Variants in RGS22 observed in about 807,000 individuals in gnomAD.
The protein encoded by RGS22 is regulator of G protein signaling 22.
In RGS22, 148 loss-of-function variants were observed where a neutral mutation model predicts 172.9. The ratio of observed to expected loss-of-function variants is 0.86; its 90% CI spans 0.75 to 0.98. The LOEUF (loss-of-function observed/expected upper bound fraction) is 0.98. Among genes scored for constraint, RGS22 ranks in the 50% least tolerant of loss-of-function variants. The probability of loss-of-function intolerance (pLI) is 0.00; values close to 1 mark genes in which losing one functional copy is unlikely to be tolerated. For synonymous variants in RGS22, 458 were observed against 480.2 expected, an observed-to-expected ratio of 0.95 and a Z score of 0.60; for missense variants, 1,347 against 1,440.8, an observed-to-expected ratio of 0.93 and a Z score of 1.05.
intron 2 of RGS22, among the ~76,000 whole-genome samples, chr8:100,098,846 TTTA>T (rs1434316497): frequency 2.4e-5 from 1 of 41,914 alleles, no homozygotes; most frequent in Non-Finnish European, 3.8e-5. Context: ...TATTTTTTTA[TTTA>T]TTTTATTATT....
chr8:100,071,649 G>C (rs1162093382), intron 5 of RGS22, 112 bp from the exon 6 acceptor site: 1 of 686,358 alleles, frequency 1.5e-6, no homozygotes, highest in Non-Finnish European at 2.3e-6. Context: ...CACTCTTGAT[G>C]ATGATTTTCT....
At chr8:99,994,950 G>GA (rs1378899994) in intron 20 of RGS22, among the ~76,000 whole-genome samples, 4 of 152,262 alleles carry the variant, frequency 2.6e-5, no homozygotes, top group Non-Finnish European at 5.9e-5. Context: ...AGAGGCCTCA[G>GA]AAATAACACC....
intron 5 of RGS22, 35 bp from the exon 6 acceptor site, chr8:100,071,572 T>C: frequency 6.4e-7 from 1 of 1,555,706 alleles, no homozygotes; most frequent in East Asian, 2.3e-5. Context: ...TTAAAACAAG[T>C]TTCAAATATG....
intron 14 of RGS22, among the ~76,000 whole-genome samples, chr8:100,013,075 C>T (rs1266367033): frequency 2.7e-5 from 4 of 150,582 alleles, no homozygotes; most frequent in African/African-American, 7.3e-5. Flanking sequence ...CTGCAAGCTC[C>T]GCCTCTTGGG....
chr8:100,041,227 G>A (rs1820068848), intron 12 of RGS22, among the ~76,000 whole-genome samples: 2 of 152,158 alleles, frequency 1.3e-5, no homozygotes, highest in Non-Finnish European at 2.9e-5. Context: ...GGTGGCTCAT[G>A]CCTGTAATCC....
intron 15 of RGS22, among the ~76,000 whole-genome samples, chr8:100,008,101 G>C (rs1055721326): frequency 1.3e-5 from 2 of 150,336 alleles, no homozygotes; most frequent in African/African-American, 4.9e-5. Flanking sequence ...GCAATGGTGC[G>C]ATCTTGGCTC....
intron 14 of RGS22, among the ~76,000 whole-genome samples, chr8:100,015,043 G>A (rs888424303): frequency 2.6e-5 from 4 of 152,170 alleles, no homozygotes; most frequent in Admixed American, 2.0e-4. Flanking sequence ...TAGAATGAGT[G>A]GATGAATGGA....
At chr8:100,053,534 A>T (rs1821926741) in intron 9 of RGS22, among the ~76,000 whole-genome samples, 2 of 152,208 alleles carry the variant, frequency 1.3e-5, no homozygotes, top group Non-Finnish European at 2.9e-5. Context: ...AACAACTTAC[A>T]GTTTCTAGTA....
Position 100,080,216 on chromosome 8 carries a change from C to T in RGS22, c.257G>A (p.Arg86Lys), listed in dbSNP as rs1199285979. 1 of 1,613,822 alleles carries T rather than the reference C, an allele frequency of 6.2e-7. No homozygotes were observed. The highest frequency in any genetic ancestry group is 8.5e-7 in the Non-Finnish European group (1 of 1,179,804). Residue 86 changes from arginine to lysine, a missense_variant, in exon 4 of 28, where the codon AGG becomes AAG. Arg to Lys is a conservative substitution (Grantham distance 26). Transcript: ENST00000360863. ...QPRNPIYDVV[R>K]KGKNEVKPVQ... ...AGGTTTAACCTCATTCTTTCCTTTC[C>T]TTACAACATCATAAATGGGATTTCG...
chr8:100,012,277 A>C (rs7006527), intron 14 of RGS22, among the ~76,000 whole-genome samples: 29,329 of 151,924 alleles, frequency 0.19, 3,069 homozygotes, highest in African/African-American at 0.26. Flanking sequence ...GATTAAGATA[A>C]GGGAGAAGGG....
chr8:99,967,231 G>A lies in RGS22; in HGVS notation c.3520-1801C>T, dbSNP rs139485516. Among the ~76,000 whole-genome samples the A allele has an allele frequency of 3.8e-3, 574 of 152,282 alleles. 4 individuals carry two copies. Among genetic ancestry groups the A allele is most frequent in the African/African-American group, 0.013 (550 of 41,558 alleles). On this transcript the variant is annotated intron_variant, in intron 23 of 27. Coordinates refer to ENST00000360863, the MANE Select transcript of RGS22 (RefSeq NM_015668.5). Reference sequence around the variant, plus strand: ...CTTCCCACGGTCTTCACAACCTGCAGGCTAGGAGATTCCCTCGGGTGCCTA... The same window carrying A: ...CTTCCCACGGTCTTCACAACCTGCAAGCTAGGAGATTCCCTCGGGTGCCTA...
chr8:100,017,786 G>A (rs1256071393), intron 14 of RGS22, among the ~76,000 whole-genome samples: 1 of 152,148 alleles, frequency 6.6e-6, no homozygotes, highest in African/African-American at 2.4e-5. Context: ...CTGATTATGG[G>A]TTAGAAACAT....
intron 11 of RGS22, chr8:100,046,487 C>T (rs966828183): frequency 4.6e-5 from 7 of 150,614 alleles, no homozygotes; most frequent in East Asian, 1.9e-4. Flanking sequence ...GCCTTCAGAA[C>T]GGTGTTGCAA....
At chr8:100,077,170 A>C (rs970033897) in intron 4 of RGS22, among the ~76,000 whole-genome samples, 2 of 152,044 alleles carry the variant, frequency 1.3e-5, no homozygotes, top group African/African-American at 2.4e-5. Flanking sequence ...TTCTGGCTAA[A>C]AGGTTATCAA....
chr8:100,032,243 C>A (rs1818898887), intron 14 of RGS22, among the ~76,000 whole-genome samples: 2 of 152,040 alleles, frequency 1.3e-5, no homozygotes, highest in Non-Finnish European at 2.9e-5. Context: ...GAGTCAAGAC[C>A]CATCAGTGTG....
At chr8:100,095,161 T>C (rs558943896) in intron 2 of RGS22, among the ~76,000 whole-genome samples, 15 of 152,284 alleles carry the variant, frequency 9.9e-5, no homozygotes, top group African/African-American at 3.4e-4. Flanking sequence ...CTCAATGAAC[T>C]ATCTGAGATG....
intron 14 of RGS22, among the ~76,000 whole-genome samples, chr8:100,032,020 C>T (rs1378075577): frequency 6.6e-6 from 1 of 152,134 alleles, no homozygotes; most frequent in Non-Finnish European, 1.5e-5. Flanking sequence ...GAAGGAAGCA[C>T]TAAACATGGA....
chr8:100,027,245 A>G (rs571882982), intron 14 of RGS22, among the ~76,000 whole-genome samples: 5 of 152,226 alleles, frequency 3.3e-5, no homozygotes, highest in Non-Finnish European at 5.9e-5. Context: ...TCAAAAAAAA[A>G]AGAGAGAGAC....
At chr8:100,019,293 T>C (rs1817348141) in intron 14 of RGS22, among the ~76,000 whole-genome samples, 2 of 152,242 alleles carry the variant, frequency 1.3e-5, no homozygotes, top group African/African-American at 2.4e-5. Flanking sequence ...TTGTAACACA[T>C]GTGTTGATTT....
Sources: gnomAD v4.1 joint callset for allele counts (sites outside exome capture counted in the v4.1 genomes callset) on GRCh38, gnomAD v4.1.1 for gene constraint, MANE v1.5 for transcripts, NCBI Gene and HGNC (gene_info 2026-07-23, HGNC 2026-07-21) for gene names.